The following CDK14 variants were observed in gnomAD, a reference collection of about 807,000 sequenced individuals.
CDK14 encodes the protein cyclin-dependent kinase 14.
A neutral mutation model predicts 60.7 loss-of-function variants in CDK14; 34 were observed. That is an observed-to-expected ratio of 0.56 (90% CI 0.43 to 0.75). The LOEUF is 0.75. Ranked by LOEUF, CDK14 falls within the 30% of genes least tolerant of loss-of-function variation. CDK14 has a pLI of 0.00. For synonymous variants in CDK14, 197 were observed against 203.7 expected, an observed-to-expected ratio of 0.97 and a Z score of 0.28; for missense variants, 482 against 564.1, an observed-to-expected ratio of 0.85 and a Z score of 1.47.
intron 14 of CDK14, among the ~76,000 whole-genome samples, chr7:91,145,697 G>C (rs555512932): frequency 6.6e-6 from 1 of 152,300 alleles, no homozygotes; most frequent in South Asian, 2.1e-4. Flanking sequence ...TAACTGTCTT[G>C]ATGATAATTT....
intron 2 of CDK14, among the ~76,000 whole-genome samples, chr7:90,673,824 G>A (rs1440659348): frequency 1.3e-5 from 2 of 152,138 alleles, no homozygotes; most frequent in African/African-American, 4.8e-5. Flanking sequence ...TAAGATAATG[G>A]AGTACTGCAA....
At chr7:91,052,267 A>G (rs578144084) in intron 11 of CDK14, among the ~76,000 whole-genome samples, 1 of 152,322 alleles carries the variant, frequency 6.6e-6, no homozygotes, top group African/African-American at 2.4e-5. Context: ...CCCTAACATT[A>G]GTGTCAGAGG....
intron 9 of CDK14, among the ~76,000 whole-genome samples, chr7:90,983,481 C>A (rs1795289832): frequency 6.6e-6 from 1 of 152,070 alleles, no homozygotes. Context: ...AGATCGCGAC[C>A]ATCCTGGCTA....
At chr7:90,959,242 T>C (rs997800111) in intron 9 of CDK14, among the ~76,000 whole-genome samples, 1 of 152,174 alleles carries the variant, frequency 6.6e-6, no homozygotes, top group African/African-American at 2.4e-5. Flanking sequence ...ATAGCAAATG[T>C]GTTATGTCTG....
intron 2 of CDK14, 149 bp downstream of exon 2, chr7:90,604,398 A>G: frequency 2.1e-6 from 1 of 485,278 alleles, no homozygotes; most frequent in Non-Finnish European, 3.6e-6. Context: ...TATATTTTCA[A>G]ATTTTAAATA....
At chr7:90,810,217 C>T (rs1186083395) in intron 5 of CDK14, among the ~76,000 whole-genome samples, 2 of 152,100 alleles carry the variant, frequency 1.3e-5, no homozygotes, top group South Asian at 2.1e-4. Context: ...TGCAGAAATC[C>T]TCAATAAAAT....
intron 14 of CDK14, among the ~76,000 whole-genome samples, chr7:91,147,162 T>TCTCTCTCTCTCTCTCTCTCA (rs1438870514): frequency 5.9e-4 from 74 of 124,730 alleles, no homozygotes; most frequent in African/African-American, 2.3e-3. Context: ...TCTCTCTCTC[T>TCTCTCTCTCTCTCTCTCTCA]CACACACACA....
At chr7:90,898,466 G>A (rs1792403838) in intron 6 of CDK14, among the ~76,000 whole-genome samples, 1 of 152,018 alleles carries the variant, frequency 6.6e-6, no homozygotes, top group African/African-American at 2.4e-5. Flanking sequence ...GCCTGATATT[G>A]GGGCACAAAT....
chr7:90,822,794 G>A (rs1789594847), intron 5 of CDK14, among the ~76,000 whole-genome samples: 1 of 152,194 alleles, frequency 6.6e-6, no homozygotes, highest in African/African-American at 2.4e-5. Flanking sequence ...GTTGTAATCA[G>A]TATTGTAGTA....
chr7:90,733,134 A>G (rs75075824), intron 3 of CDK14, among the ~76,000 whole-genome samples: 5 of 152,092 alleles, frequency 3.3e-5, no homozygotes, highest in African/African-American at 1.2e-4. Flanking sequence ...TTCCGTTTCC[A>G]TGTACTTATG....
At chr7:90,862,485 A>G (rs1791041493) in intron 5 of CDK14, among the ~76,000 whole-genome samples, 1 of 152,192 alleles carries the variant, frequency 6.6e-6, no homozygotes, top group Non-Finnish European at 1.5e-5. Flanking sequence ...TGTATTCAGT[A>G]AACAACTTTT....
At position 90,995,266 on chromosome 7, in the gene CDK14, C is replaced by G. The variant is rs557325333; in HGVS notation, c.1041+11025C>G. ...TTGCTCTGAGGAGGGGCCCTCATAT[C>G]AAGGAACTGATGTTTCCAGCCAACA... On this transcript the variant is annotated intron_variant, in intron 10 of 14. Coordinates refer to ENST00000380050, the MANE Select transcript of CDK14 (RefSeq NM_001287135.2). Among the ~76,000 whole-genome samples, 8 of 152,254 alleles carry G rather than the reference C, an allele frequency of 5.3e-5. 1 individual carries two copies. In the South Asian group the frequency reaches 1.4e-3, roughly 28 times the overall value.
intron 3 of CDK14, among the ~76,000 whole-genome samples, chr7:90,736,023 A>G (rs1803085732): frequency 6.6e-6 from 1 of 152,202 alleles, no homozygotes. Context: ...TATCTGGGCC[A>G]GAGTGCACTG....
At chr7:90,690,133 T>C (rs1421604216) in intron 2 of CDK14, among the ~76,000 whole-genome samples, 1 of 152,196 alleles carries the variant, frequency 6.6e-6, no homozygotes, top group African/African-American at 2.4e-5. Context: ...TAATTTTTGA[T>C]AAAGTAGTAT....
At chr7:90,780,852 G>T (rs57266666) in intron 4 of CDK14, among the ~76,000 whole-genome samples, 59 of 151,602 alleles carry the variant, frequency 3.9e-4, no homozygotes, top group Admixed American at 5.9e-4. Flanking sequence ...GAATAGTGCC[G>T]CAATAAACAT....
chr7:90,938,278 A>G (rs145382660), intron 8 of CDK14, among the ~76,000 whole-genome samples: 194 of 152,292 alleles, frequency 1.3e-3, no homozygotes, highest in African/African-American at 4.2e-3. Context: ...CATCTGAACA[A>G]CTCCACTAAA....
intron 3 of CDK14, among the ~76,000 whole-genome samples, chr7:90,735,866 G>A (rs1174974829): frequency 6.6e-6 from 1 of 152,194 alleles, no homozygotes; most frequent in Non-Finnish European, 1.5e-5. Context: ...AGGTGCCACT[G>A]GGGTATGAAA....
chr7:91,161,739 G>C (rs886548950), intron 14 of CDK14, among the ~76,000 whole-genome samples: 1 of 152,078 alleles, frequency 6.6e-6, no homozygotes, highest in Non-Finnish European at 1.5e-5. Context: ...TAAAATCTAA[G>C]AAATGATTGC....
At chr7:91,163,093 A>G (rs803171) in intron 14 of CDK14, among the ~76,000 whole-genome samples, 53,718 of 152,178 alleles carry the variant, frequency 0.35, 11,382 homozygotes, top group Non-Finnish European at 0.49. Context: ...ACCACTCCCA[A>G]TAGTGATGAT....
Sources: allele counts gnomAD v4.1 joint callset (sites outside exome capture counted in the v4.1 genomes callset), GRCh38; gene constraint gnomAD v4.1.1; transcripts MANE v1.5; gene names NCBI Gene and HGNC (gene_info 2026-07-23, HGNC 2026-07-21).